Variants in DVL3 observed in about 807,000 individuals in gnomAD.
The protein encoded by DVL3 is dishevelled segment polarity protein 3, also known as segment polarity protein dishevelled homolog DVL-3.
DVL3 carries 27 observed loss-of-function variants against 67.4 expected under a neutral mutation model. The observed-to-expected ratio is 0.40, with a 90% CI of 0.30 to 0.55. DVL3 has a LOEUF of 0.55. Ranked by LOEUF, DVL3 falls within the 20% of genes least tolerant of loss-of-function variation. DVL3 has a pLI of 0.46. For synonymous variants in DVL3, 369 were observed against 396.8 expected (o/e 0.93, Z 0.83); for missense variants, 819 against 1,021.5 (o/e 0.80, Z 2.70).
Position 184,170,603 on chromosome 3 carries a change from C to T in DVL3, c.1999C>T (p.Leu667=), listed in dbSNP as rs1560121488. Residue 667 remains leucine, a synonymous_variant, in exon 15 of 15, where the codon CTG becomes TTG. Coordinates refer to ENST00000313143, the MANE Select transcript of DVL3 (RefSeq NM_004423.4). The surrounding 1 kb of genome is among the most constrained non-coding windows in gnomAD (Gnocchi z 6.5). ...GCCCCCTCTCTACGGCCCCCCCATG[C>T]TGATGATGCCCCCGCCGCCCGCGGC... ...GVPPLYGPPM[L]MMPPPPAAMG... The T allele has an allele frequency of 6.2e-7, 1 of 1,607,252 alleles. No individual in the cohort carries two copies. Among genetic ancestry groups the T allele is most frequent in the Middle Eastern group, 1.7e-4 (1 of 6,030 alleles).
intron 1 of DVL3, among the ~76,000 whole-genome samples, chr3:184,160,038 C>T (rs1407381211): frequency 6.6e-6 from 1 of 151,664 alleles, no homozygotes. Context: ...CTCCTGGGTT[C>T]ACGCCATTCT....
rs535226764 is a variant in DVL3 at position 184,161,932 on chromosome 3, T to C, written c.162-1725T>C. On this transcript the variant is annotated intron_variant, in intron 1 of 14. Coordinates refer to ENST00000313143, the MANE Select transcript of DVL3 (RefSeq NM_004423.4). ...ATCATAGTCTGCCCACTGAGGCTGA[T>C]GTGAAGATTATAGGTTCTAACTATA... Among the ~76,000 whole-genome samples, 20 of 152,236 alleles carry C rather than the reference T, an allele frequency of 1.3e-4. 1 individual carries two copies. In the South Asian group the frequency reaches 4.1e-3, roughly 32 times the overall value.
chr3:184,170,881 C>T lies in DVL3; in HGVS notation c.*126C>T. Reference sequence around the variant, plus strand: ...AAATAAAAGGAACTAAATCCAGGTGCGCTAACTGCTCGCAGGGTGCTGCGA... The same window carrying T: ...AAATAAAAGGAACTAAATCCAGGTGTGCTAACTGCTCGCAGGGTGCTGCGA... On this transcript the variant is annotated 3_prime_UTR_variant, in exon 15 of 15. Transcript: ENST00000313143. The surrounding 1 kb of genome is among the most constrained non-coding windows in gnomAD (Gnocchi z 6.5). 1 of 1,549,322 alleles carries T rather than the reference C, an allele frequency of 6.5e-7. No homozygotes were observed. The highest frequency in any genetic ancestry group is 8.7e-7 in the Non-Finnish European group (1 of 1,146,878).
At chr3:184,169,595 G>A (rs528702115) in intron 13 of DVL3, among the ~76,000 whole-genome samples, 6 of 152,320 alleles carry the variant, frequency 3.9e-5, no homozygotes, top group Admixed American at 2.0e-4. Flanking sequence ...GGCTGAGGCA[G>A]GAGAATCGCT....
rs796988740 is a variant in DVL3, at chr3:184,166,484, T to C, written c.942T>C (p.Asp314=). 2.5e-6 allele frequency: 4 copies of C among 1,614,192 alleles called. No individual in the cohort carries two copies. The African/African-American group carries it at 5.3e-5, about 22-fold the overall frequency. Reference sequence around the variant, plus strand: ...ACTTTGAGAACATGAGTAATGACGATGCAGTCCGGGTACTGCGGGAGATTG... The same window carrying C: ...ACTTTGAGAACATGAGTAATGACGACGCAGTCCGGGTACTGCGGGAGATTG... ...EINFENMSND[D]AVRVLREIVH... is the part of the protein sequence containing the mutation. Residue 314 remains aspartate (D), a synonymous_variant, in exon 9 of 15, where the codon GAT becomes GAC. Transcript: ENST00000313143. This position sits in a 1 kb window ranked among gnomAD's most constrained non-coding sequence, Gnocchi z 6.7.
rs1017483861 is a variant in DVL3 at position 184,173,428 on chromosome 3, G to T, written c.*2673G>T. On this transcript the variant is annotated 3_prime_UTR_variant, in exon 15 of 15. Transcript: ENST00000313143. ...TTGAATTCCAGCTCTACTATTTTTG[G>T]TTGTGTGATAGAGTTATTTAACCTC... The T allele has an allele frequency of 3.9e-5, 6 of 152,200 alleles. No homozygotes were observed. The highest frequency in any genetic ancestry group is 9.6e-5 in the African/African-American group (4 of 41,512). The allele number at this position is 152,200 out of a possible 1,614,324, so 9.4% of individuals were successfully genotyped here. A position where few individuals can be genotyped will look rare whatever the true frequency, so the allele number is the denominator to read the frequency against.
rs200438406 is a variant in DVL3, at chr3:184,166,309, G to A, written c.903+44G>A. The A allele has an allele frequency of 3.1e-6, 5 of 1,607,354 alleles. No individual in the cohort carries two copies. The African/African-American group carries it at 4.0e-5, about 13-fold the overall frequency. On this transcript the variant is annotated intron_variant, in intron 8 of 14. Transcript: ENST00000313143. This position sits in a 1 kb window ranked among gnomAD's most constrained non-coding sequence, Gnocchi z 6.7. ...GGCGGTGGTGTGGATAGAGGGCAGG[G>A]AGGTGTCCTACCATCTGTACCCTGC... is the stretch of plus-strand genomic sequence containing the variant.
chr3:184,157,607 A>G (rs897748550), intron 1 of DVL3, among the ~76,000 whole-genome samples: 1 of 152,252 alleles, frequency 6.6e-6, no homozygotes, highest in Non-Finnish European at 1.5e-5. Flanking sequence ...TGAACCAAGC[A>G]ATAATATGAA....
At chr3:184,157,484 C>A (rs373545644) in intron 1 of DVL3, among the ~76,000 whole-genome samples, 66 of 152,304 alleles carry the variant, frequency 4.3e-4, no homozygotes, top group Middle Eastern at 3.4e-3. Context: ...GGGCTGCTCT[C>A]CCAATCCCAA....
In DVL3 at chr3:184,170,177, G is replaced by A; in HGVS notation, c.1670G>A (p.Gly557Asp). 1.2e-6 allele frequency: 2 copies of A among 1,613,418 alleles called. No homozygotes were observed. The highest frequency in any genetic ancestry group is 1.7e-6 in the Non-Finnish European group (2 of 1,179,906). Residue 557 changes from glycine (G) to aspartate (D), a missense_variant, in exon 14 of 15, where the codon GGC (glycine) becomes GAC (aspartate). By Grantham distance (94) the Gly-to-Asp change is moderately conservative (BLOSUM62 -1). This residue lies in a region of DVL3 where 324 missense variants were observed against 331.3 expected (regional missense o/e 0.98). Transcript: ENST00000313143. The surrounding 1 kb of genome is among the most constrained non-coding windows in gnomAD (Gnocchi z 6.5). ...CCGCACCCGGGCTTCCCGGAGCTGG[G>A]CTACAGCTACGGCGGGGGCAGCGCC... ...YNPHPGFPEL[G>D]YSYGGGSASS...
In DVL3 at chr3:184,173,123, G is replaced by A. The variant is rs1714905230; in HGVS notation, c.*2368G>A. The stretch of plus-strand genomic sequence containing the variant: ...TTCCCCCAGACTTTAGATCTGTATT[G>A]GTATTACCTACTGGACATCTCTATG... On this transcript the variant is annotated 3_prime_UTR_variant, in exon 15 of 15. Transcript: ENST00000313143. 6.6e-6 allele frequency: 1 copy of A among 152,132 alleles called. No homozygotes were observed. Among genetic ancestry groups the A allele is most frequent in the South Asian group, 2.1e-4 (1 of 4,836 alleles). The allele number at this position is 152,132 out of a possible 1,614,324, so 9.4% of individuals were successfully genotyped here.
In DVL3 at chr3:184,164,452, C is replaced by T. The variant is rs1460367209; in HGVS notation, c.354-40C>T. ...CAGCCCAGGGCTGGGGGAGGGAGCC[C>T]CCAGCCTGCCCCCTCCCCCATCAAG... On this transcript the variant is annotated intron_variant, in intron 3 of 14. Coordinates refer to ENST00000313143, the MANE Select transcript of DVL3 (RefSeq NM_004423.4). The surrounding 1 kb of genome is among the most constrained non-coding windows in gnomAD (Gnocchi z 5.3). The T allele has an allele frequency of 1.3e-6, 2 of 1,597,184 alleles. No individual in the cohort carries two copies. The highest frequency in any genetic ancestry group is 1.7e-6 in the Non-Finnish European group (2 of 1,171,582).
rs762252652 is a variant in DVL3 at position 184,164,451 on chromosome 3, C to T, written c.354-41C>T. ...TCAGCCCAGGGCTGGGGGAGGGAGC[C>T]CCCAGCCTGCCCCCTCCCCCATCAA... On this transcript the variant is annotated intron_variant, in intron 3 of 14. Coordinates refer to ENST00000313143, the MANE Select transcript of DVL3 (RefSeq NM_004423.4). The surrounding 1 kb of genome is among the most constrained non-coding windows in gnomAD (Gnocchi z 5.3). 6.3e-7 allele frequency: 1 copy of T among 1,597,010 alleles called. No individual in the cohort carries two copies. Among genetic ancestry groups the T allele is most frequent in the Non-Finnish European group, 8.5e-7 (1 of 1,171,386 alleles).
Position 184,155,582 on chromosome 3 carries a change from G to T in DVL3, c.-54G>T, listed in dbSNP as rs1277625632. On this transcript the variant is annotated 5_prime_UTR_variant, in exon 1 of 15. Coordinates refer to ENST00000313143, the MANE Select transcript of DVL3 (RefSeq NM_004423.4). The surrounding 1 kb of genome is among the most constrained non-coding windows in gnomAD (Gnocchi z 5.4). Reference sequence around the variant, plus strand: ...CGCGCCGCCGCCGTCTGGGAGGCTCGGCCCGGCCGCCCGAGCAGGCCGCGC... The same window carrying T: ...CGCGCCGCCGCCGTCTGGGAGGCTCTGCCCGGCCGCCCGAGCAGGCCGCGC... 1.3e-5 allele frequency: 14 copies of T among 1,054,256 alleles called. No homozygotes were observed. The Admixed American group carries it at 4.4e-4, about 33-fold the overall frequency. 65.3% of individuals were successfully genotyped at this position (1,054,256 alleles called of 1,614,324 possible).
chr3:184,158,574 G>A (rs1560115799), intron 1 of DVL3, among the ~76,000 whole-genome samples: 1 of 152,014 alleles, frequency 6.6e-6, no homozygotes, highest in Non-Finnish European at 1.5e-5. Flanking sequence ...ATTTCTCCGA[G>A]CCCCACAAGA....
chr3:184,158,779 C>CTT lies in DVL3; in HGVS notation c.161+2998_161+2999dup, dbSNP rs34189027. ...CCAGCCATCTTTTTAAATTTTTTTT[C>CTT]TTTTTTTTTTTTTTTTGAGGAGTTT... On this transcript the variant is annotated intron_variant, in intron 1 of 14. Coordinates refer to ENST00000313143, the MANE Select transcript of DVL3 (RefSeq NM_004423.4). Among the ~76,000 whole-genome samples the CTT allele has an allele frequency of 1.9e-3, 246 of 131,512 alleles. 1 individual carries two copies. The highest frequency in any genetic ancestry group is 9.3e-3 in the South Asian group (38 of 4,096). The allele number at this position is 131,512 out of a possible 152,430, so 86.3% of individuals were successfully genotyped here.
chr3:184,155,727 C>G lies in DVL3; in HGVS notation c.92C>G (p.Ala31Gly). 1 of 1,613,178 alleles carries G rather than the reference C, an allele frequency of 6.2e-7. No individual in the cohort carries two copies. Among genetic ancestry groups the G allele is most frequent in the Non-Finnish European group, 8.5e-7 (1 of 1,179,776 alleles). Residue 31 changes from alanine (A) to glycine (G), a missense_variant, in exon 1 of 15, where the codon GCG becomes GGG. Ala to Gly is a moderately conservative substitution (Grantham distance 60). This residue lies in a region of DVL3 where 385 missense variants were observed against 486.8 expected (regional missense o/e 0.79). Coordinates refer to ENST00000313143, the MANE Select transcript of DVL3 (RefSeq NM_004423.4). This position sits in a 1 kb window ranked among gnomAD's most constrained non-coding sequence, Gnocchi z 5.4. ...CTGCCCGCCGAGCGCGTCACCTTGG[C>G]GGACTTTAAGGGCGTTTTGCAGCGA... The part of the protein sequence containing the change: ...LPLPAERVTL[A>G]DFKGVLQRPS...
Position 184,166,571 on chromosome 3 carries a change from G to C in DVL3, c.981-35G>C. On this transcript the variant is annotated intron_variant, in intron 9 of 14. Coordinates refer to ENST00000313143, the MANE Select transcript of DVL3 (RefSeq NM_004423.4). The surrounding 1 kb of genome is among the most constrained non-coding windows in gnomAD (Gnocchi z 6.7). ...GCAAGGGGCTTGGTCTGGCCTATAC[G>C]CATCCTGCCTTCACTAGGACACCCT... The C allele has an allele frequency of 1.2e-6, 2 of 1,614,138 alleles. No homozygotes were observed. The highest frequency in any genetic ancestry group is 1.1e-5 in the South Asian group (1 of 91,086).
In DVL3 at chr3:184,164,240, A is replaced by G; in HGVS notation, c.232-27A>G. On this transcript the variant is annotated intron_variant, in intron 2 of 14. Coordinates refer to ENST00000313143, the MANE Select transcript of DVL3 (RefSeq NM_004423.4). The surrounding 1 kb of genome is among the most constrained non-coding windows in gnomAD (Gnocchi z 5.3). ...CTTCTCCTTGATGCTCCTGTAACAT[A>G]CTACTCACTCAGTTTCTCCCTTTCA... is the stretch of plus-strand genomic sequence containing the variant. 1 of 1,611,540 alleles carries G rather than the reference A, an allele frequency of 6.2e-7. No homozygotes were observed. The highest frequency in any genetic ancestry group is 8.5e-7 in the Non-Finnish European group (1 of 1,178,672).
Sources: allele counts gnomAD v4.1 joint callset (sites outside exome capture counted in the v4.1 genomes callset), GRCh38; gene constraint gnomAD v4.1.1; regional missense constraint gnomAD v4.1.1; non-coding constraint Gnocchi (gnomAD v3.1); transcripts MANE v1.5; gene names NCBI Gene and HGNC (gene_info 2026-07-23, HGNC 2026-07-21).